The following LAMA5 variants were observed in gnomAD, a reference collection of about 807,000 sequenced individuals.
LAMA5 encodes laminin subunit alpha-5.
In LAMA5, 260 loss-of-function variants were observed where a neutral mutation model predicts 433.4. That is an observed-to-expected ratio of 0.60 (90% CI 0.54 to 0.66). The LOEUF is 0.66. LAMA5 is among the 30% of genes least tolerant of loss of function. The probability of loss-of-function intolerance (pLI) is 0.00; values close to 1 mark genes in which losing one functional copy is unlikely to be tolerated. For missense variants in LAMA5, 5,378 were observed against 5,258.5 expected, an observed-to-expected ratio of 1.02 and a Z score of -0.70; for synonymous variants, 2,620 against 2,226.6, an observed-to-expected ratio of 1.18 and a Z score of -4.97.
Position 62,317,358 on chromosome 20 carries a change from G to A in LAMA5, c.7498C>T (p.Leu2500Phe), listed in dbSNP as rs1177378881. 6.2e-7 allele frequency: 1 copy of A among 1,607,992 alleles called. No individual in the cohort carries two copies. Among genetic ancestry groups the A allele is most frequent in the Non-Finnish European group, 8.5e-7 (1 of 1,178,816 alleles). Reference protein sequence around the residue: ...AHAQQLGQLALNLSSIILDVN... With the variant: ...AHAQQLGQLAFNLSSIILDVN... ...CTGGCCACCCACCTGGACAGATTGA[G>A]TGCCAGCTGGCCCAGCTGCTGTGCG... The change falls in exon 55 of 80, where the codon CTC becomes TTC. Residue 2500 changes from leucine to phenylalanine, a missense_variant. Leu to Phe is a conservative substitution (Grantham distance 22). Coordinates refer to ENST00000252999, the MANE Select transcript of LAMA5 (RefSeq NM_005560.6).
chr20:62,361,017 C>T (rs1482302507), intron 2 of LAMA5, among the ~76,000 whole-genome samples: 3 of 152,154 alleles, frequency 2.0e-5, no homozygotes, highest in Non-Finnish European at 4.4e-5. Context: ...TGGGCCATCT[C>T]CCCTCCCCCA....
intron 16 of LAMA5, 30 bp downstream of exon 16, chr20:62,337,560 C>T: frequency 6.3e-7 from 1 of 1,575,638 alleles, no homozygotes; most frequent in East Asian, 2.4e-5. Context: ...AGGCCCGGCA[C>T]CTGGTGCACA....
chr20:62,339,311 C>T (rs1982216600), intron 11 of LAMA5, among the ~76,000 whole-genome samples: 1 of 142,346 alleles, frequency 7.0e-6, no homozygotes. Context: ...GATCTGGGCT[C>T]ACTGCAAGCT....
rs1459842976 is a variant in LAMA5 at position 62,363,243 on chromosome 20, G to A, written c.298-691C>T. On this transcript the variant is annotated intron_variant, in intron 1 of 79. Coordinates refer to ENST00000252999, the MANE Select transcript of LAMA5 (RefSeq NM_005560.6). ...TGTGGGGACCGGCCCCAGAGTGGAC[G>A]TGTGGACAGCGGCAGGTGGGCCTGG... Among the ~76,000 whole-genome samples, 4 of 152,186 alleles carry A rather than the reference G, an allele frequency of 2.6e-5. No individual in the cohort carries two copies. The East Asian group carries it at 5.8e-4, about 22-fold the overall frequency.
intron 18 of LAMA5, 88 bp downstream of exon 18, chr20:62,336,252 C>G (rs1230869942): frequency 5.1e-6 from 5 of 981,934 alleles, no homozygotes; most frequent in Non-Finnish European, 6.2e-6. Context: ...CTCCAGGAAC[C>G]CTGCACCCCA....
intron 2 of LAMA5, among the ~76,000 whole-genome samples, chr20:62,357,587 C>T (rs1326759152): frequency 6.6e-6 from 1 of 152,288 alleles, no homozygotes; most frequent in South Asian, 2.1e-4. Flanking sequence ...GGTCCGGAAA[C>T]GTGCCCCACA....
At position 62,314,952 on chromosome 20, in the gene LAMA5, A is replaced by G. The variant is rs1601289154; in HGVS notation, c.8048-5T>C. 6.3e-7 allele frequency: 1 copy of G among 1,593,426 alleles called. No homozygotes were observed. The highest frequency in any genetic ancestry group is 1.1e-5 in the South Asian group (1 of 89,804). On this transcript the variant is annotated splice_polypyrimidine_tract_variant and splice_region_variant and intron_variant, in intron 59 of 79. Coordinates refer to ENST00000252999, the MANE Select transcript of LAMA5 (RefSeq NM_005560.6). ...GCGTCTTCTCCAGGGTGGACACTGC[A>G]GAGAGGGAGACCTGAGACCTTTGCC...
chr20:62,354,468 T>C (rs1356371077), intron 2 of LAMA5, among the ~76,000 whole-genome samples: 1 of 151,820 alleles, frequency 6.6e-6, no homozygotes, highest in Non-Finnish European at 1.5e-5. Flanking sequence ...ACCGTGGGCC[T>C]CCATGCCTGC....
chr20:62,342,361 T>A, intron 11 of LAMA5: 1 of 314,586 alleles, frequency 3.2e-6, no homozygotes, highest in South Asian at 2.3e-5. Flanking sequence ...ATTAAAACCT[T>A]AATTTAAGAT....
Position 62,330,899 on chromosome 20 carries a change from G to A in LAMA5, c.3696C>T (p.Ile1232=), listed in dbSNP as rs1980258749. The A allele has an allele frequency of 6.5e-7, 1 of 1,547,160 alleles. No homozygotes were observed. Among genetic ancestry groups the A allele is most frequent in the Non-Finnish European group, 8.7e-7 (1 of 1,145,770 alleles). The change falls in exon 30 of 80, where the codon ATC becomes ATT. Residue 1232 remains isoleucine, a synonymous_variant. Transcript: ENST00000252999. ...PSRFPKPPQP[I]ILRDCQVIPL... is the part of the protein sequence containing the mutation. The stretch of plus-strand genomic sequence containing the variant: ...GGATCACCTGGCAGTCCCTGAGGAT[G>A]ATGGGCTGGGGCGGCTTTGGGAAGC...
Position 62,309,779 on chromosome 20 carries a change from C to G in LAMA5, c.10885G>C (p.Val3629Leu). ...GCTGCAGCCGCCAGCAAGGGGCCCACGGTGTGGTTGCTCTGCGCGTCCACC... is the reference window on the plus strand; with the variant it reads ...GCTGCAGCCGCCAGCAAGGGGCCCAGGGTGTGGTTGCTCTGCGCGTCCACC... ...LEVDAQSNHT[V>L]GPLLAAAAGA... Residue 3629 changes from valine to leucine, a missense_variant, in exon 79 of 80, where the codon GTG becomes CTG. Physicochemically the swap from Val to Leu is conservative, Grantham distance 32 (BLOSUM62 1). Coordinates refer to ENST00000252999, the MANE Select transcript of LAMA5 (RefSeq NM_005560.6). 1.9e-6 allele frequency: 3 copies of G among 1,607,356 alleles called. No individual in the cohort carries two copies. The highest frequency in any genetic ancestry group is 1.1e-5 in the South Asian group (1 of 90,574).
Position 62,314,388 on chromosome 20 carries a change from A to G in LAMA5, c.8420T>C (p.Val2807Ala). ...AGGGCCCGCCTCACCCAGCTGATAC[A>G]CCCAGTGCACCTTCTTGTCACGCAG... ...VSLRDKKVHWVYQLGEAGPAV... is the reference protein window; with the variant it reads ...VSLRDKKVHWAYQLGEAGPAV... The change falls in exon 62 of 80, where the codon GTG becomes GCG. Residue 2807 changes from valine to alanine, a missense_variant. By Grantham distance (64) the Val-to-Ala change is moderately conservative. Transcript: ENST00000252999. 6.2e-7 allele frequency: 1 copy of G among 1,613,348 alleles called. No homozygotes were observed. The highest frequency in any genetic ancestry group is 8.5e-7 in the Non-Finnish European group (1 of 1,179,920).
Position 62,330,791 on chromosome 20 carries a change from G to C in LAMA5, c.3804C>G (p.Pro1268=), listed in dbSNP as rs1406322492. 6.4e-7 allele frequency: 1 copy of C among 1,560,280 alleles called. No homozygotes were observed. Among genetic ancestry groups the C allele is most frequent in the Non-Finnish European group, 8.7e-7 (1 of 1,153,686 alleles). The change falls in exon 30 of 80, where the codon CCC becomes CCG. Residue 1268 remains proline, a synonymous_variant. Coordinates refer to ENST00000252999, the MANE Select transcript of LAMA5 (RefSeq NM_005560.6). ...MSPAGPRPRP[P]TAVDPDAEPT... ...GCTCTGCATCAGGGTCCACAGCGGTGGGGGGCCGAGGTCGGGGTCCAGCTG... is the reference window on the plus strand; with the variant it reads ...GCTCTGCATCAGGGTCCACAGCGGTCGGGGGCCGAGGTCGGGGTCCAGCTG...
chr20:62,334,395 G>T, intron 21 of LAMA5, 53 bp from the exon 22 acceptor site: 1 of 1,536,468 alleles, frequency 6.5e-7, no homozygotes, highest in Admixed American at 2.0e-5. Context: ...ACCTAGCCCT[G>T]CACAGCGGCC....
intron 48 of LAMA5, 111 bp downstream of exon 48, chr20:62,321,908 G>T: frequency 9.3e-7 from 1 of 1,078,052 alleles, no homozygotes; most frequent in Non-Finnish European, 1.4e-6. Flanking sequence ...GGAAATGGAA[G>T]GCAGCTGGGA....
At position 62,316,951 on chromosome 20, in the gene LAMA5, G is replaced by A; in HGVS notation, c.7584C>T (p.Ile2528=). The part of the protein sequence containing the change: ...AIEASNAYSR[I]LQAVQAAEDA... ...CCTCGGCAGCCTGCACGGCCTGCAGGATGCGGCTGTAGGCGTTGGAGGCCT... is the reference window on the plus strand; with the variant it reads ...CCTCGGCAGCCTGCACGGCCTGCAGAATGCGGCTGTAGGCGTTGGAGGCCT... Residue 2528 remains isoleucine, a synonymous_variant, in exon 56 of 80, where the codon ATC becomes ATT. Transcript: ENST00000252999. The A allele has an allele frequency of 1.3e-6, 2 of 1,569,640 alleles. No individual in the cohort carries two copies. Among genetic ancestry groups the A allele is most frequent in the African/African-American group, 1.4e-5 (1 of 74,018 alleles).
In LAMA5 at chr20:62,329,812, TCA is replaced by T. The variant is rs762871142; in HGVS notation, c.4082_4083del (p.Val1361AspfsTer20). 1 of 1,612,476 alleles carries T rather than the reference TCA, an allele frequency of 6.2e-7. No homozygotes were observed. The highest frequency in any genetic ancestry group is 8.5e-7 in the Non-Finnish European group (1 of 1,179,802). Reference sequence around the variant, plus strand: ...CACCGGCCCTTGGGCACACGCACGGTCACAGTGAGCTCGCTGTGGGTCACGTC... The same window carrying T: ...CACCGGCCCTTGGGCACACGCACGGTCAGTGAGCTCGCTGTGGGTCACGTC... The part of the protein sequence containing the change: ...LLDVTHSELT[V>X]TVRVPKGRWL... On this transcript the variant is annotated frameshift_variant, in exon 32 of 80. Coordinates refer to ENST00000252999, the MANE Select transcript of LAMA5 (RefSeq NM_005560.6). LOFTEE classifies it high-confidence loss of function.
intron 11 of LAMA5, among the ~76,000 whole-genome samples, chr20:62,339,388 C>A (rs2146244729): frequency 6.6e-6 from 1 of 152,018 alleles, no homozygotes; most frequent in East Asian, 1.9e-4. Context: ...CAGGTGCACG[C>A]TGCCACGCCC....
At position 62,322,484 on chromosome 20, in the gene LAMA5, C is replaced by T. The variant is rs1285885141; in HGVS notation, c.6166-35G>A. 1.9e-6 allele frequency: 3 copies of T among 1,548,388 alleles called. No individual in the cohort carries two copies. In the African/African-American group the frequency reaches 4.1e-5, roughly 21 times the overall value. ...AGGCTGGTCACTGCCCTGCCCAGCC[C>T]TCAAGACTGTCCCAGACCAACCTGG... On this transcript the variant is annotated intron_variant, in intron 46 of 79. Coordinates refer to ENST00000252999, the MANE Select transcript of LAMA5 (RefSeq NM_005560.6).
Sources: gnomAD v4.1 joint callset for allele counts (sites outside exome capture counted in the v4.1 genomes callset) on GRCh38, gnomAD v4.1.1 for gene constraint, MANE v1.5 for transcripts, NCBI Gene and HGNC (gene_info 2026-07-23, HGNC 2026-07-21) for gene names.